Variants in TMOD1 observed in about 807,000 individuals in gnomAD.
TMOD1 encodes the protein tropomodulin 1, also known as tropomodulin-1.
TMOD1 carries 17 observed loss-of-function variants against 40.6 expected under a neutral mutation model. The observed-to-expected ratio is 0.42, with a 90% CI of 0.29 to 0.63. TMOD1 has a LOEUF of 0.63. Ranked by LOEUF, TMOD1 falls within the 20% of genes least tolerant of loss-of-function variation. TMOD1 has a pLI of 0.22. For synonymous variants in TMOD1, 181 were observed against 175.0 expected, an observed-to-expected ratio of 1.03 and a Z score of -0.27; for missense variants, 391 against 447.6, an observed-to-expected ratio of 0.87 and a Z score of 1.14.
intron 4 of TMOD1, among the ~76,000 whole-genome samples, chr9:97,561,088 C>A (rs201040320): frequency 4.6e-5 from 7 of 152,248 alleles, no homozygotes; most frequent in African/African-American, 1.4e-4. Context: ...TTTGGCTGTA[C>A]AAGCCACTGT....
chr9:97,539,689 G>A (rs191330389), intron 2 of TMOD1, among the ~76,000 whole-genome samples: 48 of 152,232 alleles, frequency 3.2e-4, no homozygotes, highest in East Asian at 9.6e-4. Flanking sequence ...CATTCAGCCC[G>A]GGTGAGGTGG....
Position 97,536,465 on chromosome 9 carries a change from G to C in TMOD1, c.121-9720G>C, listed in dbSNP as rs539373786. Among the ~76,000 whole-genome samples, 9 of 152,162 alleles carry C rather than the reference G, an allele frequency of 5.9e-5. No individual in the cohort carries two copies. In the South Asian group the frequency reaches 1.9e-3, roughly 32 times the overall value. On this transcript the variant is annotated intron_variant, in intron 2 of 9. Transcript: ENST00000259365. ...CACTTTGGTTTCACTCCTACCCCAG[G>C]ACAATTACTCAATGCCCCTGGACCT...
rs1193457397 is a variant in TMOD1, at chr9:97,559,794, AATATATATATATAT to A, written c.398-2921_398-2908del. Among the ~76,000 whole-genome samples the A allele has an allele frequency of 6.0e-4, 14 of 23,178 alleles. 1 individual carries two copies. The highest frequency in any genetic ancestry group is 1.5e-3 in the Admixed American group (2 of 1,348). The allele number at this position is 23,178 out of a possible 152,430, so 15.2% of individuals were successfully genotyped here. ...ATTTAAAAAAAAAAAAAAAAAAAAA[AATATATATATATAT>A]ATATATATATATATATGTCTATCTA... On this transcript the variant is annotated intron_variant, in intron 4 of 9. Transcript: ENST00000259365.
intron 6 of TMOD1, among the ~76,000 whole-genome samples, chr9:97,564,904 C>T (rs565799168): frequency 1.2e-4 from 19 of 152,156 alleles, no homozygotes; most frequent in Non-Finnish European, 2.2e-4. Context: ...GCCCCTGCTC[C>T]ACTTTCTTTC....
chr9:97,530,683 G>A (rs998620521), intron 2 of TMOD1, among the ~76,000 whole-genome samples: 5 of 150,428 alleles, frequency 3.3e-5, no homozygotes, highest in African/African-American at 4.9e-5. Context: ...TAGAGACGGG[G>A]TTTCACCGTG....
intron 2 of TMOD1, among the ~76,000 whole-genome samples, chr9:97,529,032 A>C (rs926519616): frequency 2.0e-5 from 3 of 152,204 alleles, no homozygotes; most frequent in African/African-American, 7.2e-5. Flanking sequence ...AACTTGTCCA[A>C]AGTCCCACAA....
At chr9:97,552,338 T>G (rs1830467821) in intron 3 of TMOD1, among the ~76,000 whole-genome samples, 1 of 144,030 alleles carries the variant, frequency 6.9e-6, no homozygotes, top group Admixed American at 6.9e-5. Context: ...CTGACTAGCC[T>G]TCCCAAAACA....
At position 97,555,422 on chromosome 9, in the gene TMOD1, G is replaced by A. The variant is rs1037189696; in HGVS notation, c.397+2022G>A. On this transcript the variant is annotated intron_variant, in intron 4 of 9. Coordinates refer to ENST00000259365, the MANE Select transcript of TMOD1 (RefSeq NM_003275.4). ...AAGGGATTATCAAATGACTGCCGGC[G>A]CCTGCGGTTCCTGTGCCAGGTCAGA... is the stretch of plus-strand genomic sequence containing the variant. 8 of 1,385,598 alleles carry A rather than the reference G, an allele frequency of 5.8e-6. No individual in the cohort carries two copies. In the East Asian group the frequency reaches 8.4e-5, roughly 15 times the overall value. The allele number at this position is 1,385,598 out of a possible 1,614,324, so 85.8% of individuals were successfully genotyped here.
intron 1 of TMOD1, among the ~76,000 whole-genome samples, chr9:97,523,508 T>C (rs1227376020): frequency 1.3e-5 from 2 of 152,226 alleles, no homozygotes; most frequent in African/African-American, 2.4e-5. Context: ...TAGTGTCGTT[T>C]GGGTAAGTCA....
At position 97,599,132 on chromosome 9, in the gene TMOD1, G is replaced by A. The variant is rs532351617; in HGVS notation, c.1016-502G>A. ...TGTTGAGCATAACTGTCTTGCCCCCGGGGAAAATGGCAAGGTTAAACATAA... is the reference window on the plus strand; with the variant it reads ...TGTTGAGCATAACTGTCTTGCCCCCAGGGAAAATGGCAAGGTTAAACATAA... On this transcript the variant is annotated intron_variant, in intron 9 of 9. Transcript: ENST00000259365. Among the ~76,000 whole-genome samples the A allele has an allele frequency of 6.0e-4, 91 of 152,152 alleles. 1 individual carries two copies. The highest frequency in any genetic ancestry group is 2.2e-3 in the African/African-American group (90 of 41,504).
In TMOD1 at chr9:97,600,418, G is replaced by T. The variant is rs910458974; in HGVS notation, c.*720G>T. The T allele has an allele frequency of 3.3e-5, 33 of 985,618 alleles. No individual in the cohort carries two copies. Among genetic ancestry groups the T allele is most frequent in the Non-Finnish European group, 3.7e-5 (31 of 830,020 alleles). 61.1% of individuals were successfully genotyped at this position (985,618 alleles called of 1,614,324 possible). A position where few individuals can be genotyped will look rare whatever the true frequency, so the allele number is the denominator to read the frequency against. On this transcript the variant is annotated 3_prime_UTR_variant, in exon 10 of 10. Transcript: ENST00000259365. ...CCCTGAGTGTTCTTTAAGAACATTT[G>T]GGATTTATGTACAATTTAATACTGG...
rs1367882926 is a variant in TMOD1, at chr9:97,564,783, G to A, written c.618+615G>A. Among the ~76,000 whole-genome samples the A allele has an allele frequency of 2.4e-4, 36 of 152,014 alleles. 1 individual carries two copies. Among genetic ancestry groups the A allele is most frequent in the Middle Eastern group, 6.8e-3 (2 of 294 alleles). On this transcript the variant is annotated intron_variant, in intron 6 of 9. Coordinates refer to ENST00000259365, the MANE Select transcript of TMOD1 (RefSeq NM_003275.4). ...GCAGTCTCACCCTGAACAGGCCGCC[G>A]CAGGAAGAATTCAGAGACAAATGCA... is the stretch of plus-strand genomic sequence containing the variant.
intron 1 of TMOD1, among the ~76,000 whole-genome samples, chr9:97,523,371 C>T (rs10982508): frequency 0.28 from 42,535 of 152,030 alleles, 6,188 homozygotes; most frequent in Non-Finnish European, 0.31. Context: ...CCCTCTGAAC[C>T]GGCTCCCTCT....
Position 97,551,187 on chromosome 9 carries a change from C to T in TMOD1, c.278-2094C>T, listed in dbSNP as rs144984268. Among the ~76,000 whole-genome samples the T allele has an allele frequency of 9.6e-4, 146 of 151,864 alleles. 1 individual carries two copies. Among genetic ancestry groups the T allele is most frequent in the African/African-American group, 3.5e-3 (146 of 41,410 alleles). On this transcript the variant is annotated intron_variant, in intron 3 of 9. Coordinates refer to ENST00000259365, the MANE Select transcript of TMOD1 (RefSeq NM_003275.4). ...TACAGGCACGCACCATCACGCCCGGCTAATTTTTGTATTTTTAGTAGAGAT... is the reference window on the plus strand; with the variant it reads ...TACAGGCACGCACCATCACGCCCGGTTAATTTTTGTATTTTTAGTAGAGAT...
chr9:97,528,260 G>A (rs571482028), intron 2 of TMOD1, among the ~76,000 whole-genome samples: 11 of 152,250 alleles, frequency 7.2e-5, no homozygotes, highest in Middle Eastern at 3.4e-3. Flanking sequence ...AGGCAGGCAC[G>A]GAGACTCGGA....
chr9:97,538,538 A>G (rs377044609), intron 2 of TMOD1, among the ~76,000 whole-genome samples: 1 of 152,188 alleles, frequency 6.6e-6, no homozygotes, highest in Admixed American at 6.5e-5. Context: ...TAAATTCCTT[A>G]TAGGTTAAAT....
intron 8 of TMOD1, among the ~76,000 whole-genome samples, chr9:97,584,827 C>A (rs1333202402): frequency 6.6e-6 from 1 of 152,044 alleles, no homozygotes; most frequent in Admixed American, 6.6e-5. Context: ...TTGCAACAAC[C>A]CCTGCCTTTT....
At chr9:97,507,727 A>G (rs1829610785) in intron 1 of TMOD1, among the ~76,000 whole-genome samples, 1 of 152,206 alleles carries the variant, frequency 6.6e-6, no homozygotes, top group Non-Finnish European at 1.5e-5. Flanking sequence ...CTGTATTTGG[A>G]CACTCAAATT....
chr9:97,592,365 C>G (rs1310229721), intron 9 of TMOD1, among the ~76,000 whole-genome samples: 1 of 151,220 alleles, frequency 6.6e-6, no homozygotes, highest in African/African-American at 2.4e-5. Flanking sequence ...AGAACCAAGA[C>G]AGCAGGAAGC....
Sources: gnomAD v4.1 joint callset for allele counts (sites outside exome capture counted in the v4.1 genomes callset) on GRCh38, gnomAD v4.1.1 for gene constraint, MANE v1.5 for transcripts, NCBI Gene and HGNC (gene_info 2026-07-23, HGNC 2026-07-21) for gene names.